ACYP2: variants seen among roughly 807,000 people sequenced by gnomAD.
ACYP2 encodes acylphosphatase 2.
A neutral mutation model predicts 11.2 loss-of-function variants in ACYP2; 12 were observed. The ratio of observed to expected loss-of-function variants is 1.08; its 90% CI spans 0.69 to 1.74. ACYP2 has a LOEUF of 1.74. Ranked by LOEUF, ACYP2 falls within the 40% of genes most tolerant of loss-of-function variation. ACYP2 has a pLI of 0.00. For synonymous variants in ACYP2, 43 were observed against 32.2 expected, an observed-to-expected ratio of 1.33 and a Z score of -1.13; for missense variants, 134 against 101.9, an observed-to-expected ratio of 1.31 and a Z score of -1.35.
intron 4 of ACYP2, among the ~76,000 whole-genome samples, chr2:54,107,086 GAA>G (rs34323317): frequency 6.6e-6 from 1 of 152,138 alleles, no homozygotes; most frequent in Non-Finnish European, 1.5e-5. Flanking sequence ...CCTGAAGACT[GAA>G]AGAGTAACCC....
chr2:53,974,811 C>A (rs936473529), intron 2 of ACYP2, among the ~76,000 whole-genome samples: 1 of 152,096 alleles, frequency 6.6e-6, no homozygotes, highest in African/African-American at 2.4e-5. Flanking sequence ...TCACTGAATT[C>A]TCTAGAGATA....
intron 4 of ACYP2, among the ~76,000 whole-genome samples, chr2:54,074,321 G>T (rs1183477026): frequency 6.6e-6 from 1 of 152,042 alleles, no homozygotes; most frequent in African/African-American, 2.4e-5. Context: ...CTCCAGCCTG[G>T]GTGACAGTGG....
chr2:54,243,125 G>A (rs558935902), intron 6 of ACYP2, among the ~76,000 whole-genome samples: 4 of 152,000 alleles, frequency 2.6e-5, no homozygotes, highest in African/African-American at 7.2e-5. Context: ...GACATTTTTC[G>A]TTTGAAAAAT....
At chr2:54,020,530 A>G (rs1673949789) in intron 2 of ACYP2, among the ~76,000 whole-genome samples, 1 of 152,258 alleles carries the variant, frequency 6.6e-6, no homozygotes, top group Non-Finnish European at 1.5e-5. Flanking sequence ...TACCTAAAAA[A>G]AGGATAGGCA....
Position 54,235,585 on chromosome 2 carries a change from C to T in ACYP2, c.405-69103C>T, listed in dbSNP as rs1431439463. Among the ~76,000 whole-genome samples, 6 of 152,144 alleles carry T rather than the reference C, an allele frequency of 3.9e-5. No homozygotes were observed. The South Asian group carries it at 1.0e-3, about 26-fold the overall frequency. On this transcript the variant is annotated intron_variant, in intron 6 of 6. Transcript: ENST00000607452. ...CAGGATGGTCTCGATCTCCTAACCT[C>T]GTGATCTGCCTGCCTTGGCCTCCCA... is the stretch of plus-strand genomic sequence containing the variant.
chr2:54,260,822 T>C (rs995442105), intron 6 of ACYP2, among the ~76,000 whole-genome samples: 5 of 152,096 alleles, frequency 3.3e-5, no homozygotes, highest in Non-Finnish European at 5.9e-5. Flanking sequence ...GGATAGTCTA[T>C]GTGTATATTG....
intron 4 of ACYP2, among the ~76,000 whole-genome samples, chr2:54,093,229 A>T (rs1678330069): frequency 6.6e-6 from 1 of 152,220 alleles, no homozygotes; most frequent in Non-Finnish European, 1.5e-5. Flanking sequence ...AGCAGATAAT[A>T]TCTAAGGGTG....
rs61634500 is a variant in ACYP2, at chr2:54,202,405, C to CTTTTTTTT, written c.404+63668_404+63675dup. On this transcript the variant is annotated intron_variant, in intron 6 of 6. Coordinates refer to ENST00000607452, the MANE Select transcript of ACYP2 (RefSeq NM_001320586.2). ...TACAGGCATGAGCCACTGTGCCTGG[C>CTTTTTTTT]TTTTTTTTTTTTTTTTTTCTGAGAT... Among the ~76,000 whole-genome samples, 174 of 116,362 alleles carry CTTTTTTTT rather than the reference C, an allele frequency of 1.5e-3. 3 individuals are homozygous for CTTTTTTTT. The highest frequency in any genetic ancestry group is 6.1e-3 in the African/African-American group (172 of 28,080). 76.3% of individuals were successfully genotyped at this position (116,362 alleles called of 152,430 possible). A position where few individuals can be genotyped will look rare whatever the true frequency, so the allele number is the denominator to read the frequency against.
intron 6 of ACYP2, among the ~76,000 whole-genome samples, chr2:54,260,913 G>A (rs913008914): frequency 2.0e-5 from 3 of 152,072 alleles, no homozygotes; most frequent in Admixed American, 6.5e-5. Context: ...GGAATGACAT[G>A]ACAGTAGCAA....
chr2:54,048,325 C>G (rs1675634999), intron 2 of ACYP2, among the ~76,000 whole-genome samples: 1 of 151,978 alleles, frequency 6.6e-6, no homozygotes, highest in African/African-American at 2.4e-5. Flanking sequence ...GCTCAGGAAG[C>G]TGAGGTGGAA....
At chr2:54,010,737 CTTTTTTTTTTTT>C (rs539896151) in intron 2 of ACYP2, among the ~76,000 whole-genome samples, 5 of 107,662 alleles carry the variant, frequency 4.6e-5, no homozygotes, top group Non-Finnish European at 7.3e-5. Context: ...TTCTTTCTTT[CTTTTTTTTTTTT>C]TTTTTTTTTT....
chr2:54,229,383 T>G (rs976293387), intron 6 of ACYP2, among the ~76,000 whole-genome samples: 22 of 152,230 alleles, frequency 1.4e-4, no homozygotes, highest in Non-Finnish European at 2.8e-4. Context: ...ATATACTGAT[T>G]GCAGAGTTCA....
intron 6 of ACYP2, among the ~76,000 whole-genome samples, chr2:54,301,204 G>A (rs569875961): frequency 6.6e-6 from 1 of 152,030 alleles, no homozygotes; most frequent in Non-Finnish European, 1.5e-5. Context: ...TTTTAAATTT[G>A]CTAACATTAC....
chr2:54,257,052 C>CTTAGTGT lies in ACYP2; in HGVS notation c.405-47633_405-47627dup, dbSNP rs1214665723. On this transcript the variant is annotated intron_variant, in intron 6 of 6. Transcript: ENST00000607452. ...GCCAATTTGTCATTTTCCCCTTTAC[C>CTTAGTGT]TTAGTGTTTTTCTGCTCTGTTTAAG... is the stretch of plus-strand genomic sequence containing the variant. Among the ~76,000 whole-genome samples, 16 of 152,124 alleles carry CTTAGTGT rather than the reference C, an allele frequency of 1.1e-4. 1 individual carries two copies. The highest frequency in any genetic ancestry group is 3.9e-4 in the African/African-American group (16 of 41,498).
chr2:54,201,680 T>TTCTTTCTTTCTCTCTC (rs1395606887), intron 6 of ACYP2, among the ~76,000 whole-genome samples: 14 of 107,362 alleles, frequency 1.3e-4, no homozygotes, highest in Non-Finnish European at 1.5e-4. Flanking sequence ...CTTTCTTTCT[T>TTCTTTCTTTCTCTCTC]TCTCTCTCTC....
intron 6 of ACYP2, among the ~76,000 whole-genome samples, chr2:54,150,090 G>A (rs137867528): frequency 1.8e-4 from 28 of 152,296 alleles, no homozygotes; most frequent in Middle Eastern, 3.4e-3. Flanking sequence ...ATACCTAGGA[G>A]TAGTCTAGAT....
intron 2 of ACYP2, among the ~76,000 whole-genome samples, chr2:53,979,366 C>A (rs574925065): frequency 3.3e-5 from 5 of 151,964 alleles, no homozygotes; most frequent in Non-Finnish European, 2.9e-5. Context: ...TGGTGGCTCA[C>A]GCTTGTAATC....
chr2:54,034,290 G>A (rs1312225836), intron 2 of ACYP2, among the ~76,000 whole-genome samples: 2 of 152,140 alleles, frequency 1.3e-5, no homozygotes, highest in Non-Finnish European at 1.5e-5. Flanking sequence ...CTCAGGAGGC[G>A]GAGGTTGCGG....
intron 2 of ACYP2, among the ~76,000 whole-genome samples, chr2:53,980,844 C>G (rs1215790786): frequency 1.3e-5 from 2 of 151,994 alleles, no homozygotes; most frequent in African/African-American, 4.8e-5. Context: ...GTTAACCTCC[C>G]TAGGCTCAGG....
Sources: allele counts gnomAD v4.1 joint callset (sites outside exome capture counted in the v4.1 genomes callset), GRCh38; gene constraint gnomAD v4.1.1; transcripts MANE v1.5; gene names NCBI Gene and HGNC (gene_info 2026-07-23, HGNC 2026-07-21).